Variants in GRM7 observed in about 807,000 individuals in gnomAD.
GRM7 encodes metabotropic glutamate receptor 7.
In GRM7, 35 loss-of-function variants were observed where a neutral mutation model predicts 84.5. The observed-to-expected ratio is 0.41, with a 90% CI of 0.32 to 0.55. The LOEUF is 0.55. Ranked by LOEUF, GRM7 falls within the 20% of genes least tolerant of loss-of-function variation. The probability of loss-of-function intolerance (pLI) is 0.19; values close to 1 mark genes in which losing one functional copy is unlikely to be tolerated. For missense variants in GRM7, 1,003 were observed against 1,194.6 expected (o/e 0.84, Z 2.36); for synonymous variants, 487 against 455.1 (o/e 1.07, Z -0.89).
In GRM7 at chr3:7,015,904, G is replaced by GAA. The variant is rs373120015; in HGVS notation, c.520-130546_520-130545dup. 1.1e-3 allele frequency among the ~76,000 whole-genome samples: 166 copies of GAA among 152,288 alleles called. 2 individuals carry two copies. The highest frequency in any genetic ancestry group is 3.7e-3 in the African/African-American group (155 of 41,558). ...TACTCCTACCTTACTGTGTTCATTA[G>GAA]AAATGAGTCACTAATTCCAGCCCAC... On this transcript the variant is annotated intron_variant, in intron 1 of 9. Coordinates refer to ENST00000357716, the MANE Select transcript of GRM7 (RefSeq NM_000844.4).
chr3:7,091,091 C>A (rs992912982), intron 1 of GRM7, among the ~76,000 whole-genome samples: 3 of 151,616 alleles, frequency 2.0e-5, no homozygotes, highest in East Asian at 1.9e-4. Flanking sequence ...AAAATTATTT[C>A]AAATTTGCAT....
intron 1 of GRM7, among the ~76,000 whole-genome samples, chr3:6,877,538 A>G (rs1490222768): frequency 6.6e-6 from 1 of 152,150 alleles, no homozygotes; most frequent in Non-Finnish European, 1.5e-5. Context: ...CATCTCGCTT[A>G]TGGATAAGCT....
At chr3:7,568,034 A>G (rs1221973274) in intron 7 of GRM7, among the ~76,000 whole-genome samples, 1 of 152,068 alleles carries the variant, frequency 6.6e-6, no homozygotes, top group Non-Finnish European at 1.5e-5. Flanking sequence ...ACATCTCATG[A>G]CCCTGACTTA....
At chr3:7,574,483 T>G (rs1286476541) in intron 7 of GRM7, among the ~76,000 whole-genome samples, 1 of 152,142 alleles carries the variant, frequency 6.6e-6, no homozygotes, top group Non-Finnish European at 1.5e-5. Context: ...TGTTGAAAAA[T>G]GGCTACTATA....
intron 1 of GRM7, among the ~76,000 whole-genome samples, chr3:6,891,182 A>G (rs1051659627): frequency 6.6e-6 from 1 of 152,188 alleles, no homozygotes; most frequent in African/African-American, 2.4e-5. Flanking sequence ...TTGACTCTTT[A>G]TCCAATTTGC....
rs185734437 is a variant in GRM7 at position 7,099,321 on chromosome 3, A to C, written c.520-47131A>C. 9.9e-3 allele frequency among the ~76,000 whole-genome samples: 1,456 copies of C among 146,446 alleles called. 25 individuals carry two copies. Among genetic ancestry groups the C allele is most frequent in the African/African-American group, 0.035 (1,361 of 38,846 alleles). ...ATATGTACACATGTATTATACATGT[A>C]TATATGTACACATGTATTATACATG... On this transcript the variant is annotated intron_variant, in intron 1 of 9. Coordinates refer to ENST00000357716, the MANE Select transcript of GRM7 (RefSeq NM_000844.4).
At chr3:7,321,022 TATCCTAGTGCTTTTTTCC>T (rs918587406) in intron 4 of GRM7, among the ~76,000 whole-genome samples, 47 of 152,108 alleles carry the variant, frequency 3.1e-4, no homozygotes, top group African/African-American at 1.1e-3. Flanking sequence ...TTTGACAAAG[TATCCTAGTGCTTTTTTCC>T]ATCTTCTTTA....
intron 1 of GRM7, among the ~76,000 whole-genome samples, chr3:7,007,247 C>G (rs1394553531): frequency 6.6e-6 from 1 of 152,040 alleles, no homozygotes; most frequent in East Asian, 1.9e-4. Flanking sequence ...CCCTCTTTCT[C>G]CATCAATCAA....
At chr3:7,120,766 A>C (rs1308639072) in intron 1 of GRM7, among the ~76,000 whole-genome samples, 1 of 152,152 alleles carries the variant, frequency 6.6e-6, no homozygotes, top group Admixed American at 6.6e-5. Context: ...AAAATCTCAT[A>C]ACTTTCTGCC....
chr3:7,267,175 T>G (rs942273274), intron 2 of GRM7, among the ~76,000 whole-genome samples: 1 of 152,244 alleles, frequency 6.6e-6, no homozygotes, highest in Admixed American at 6.5e-5. Flanking sequence ...CGAAGTTCAC[T>G]GATTGATACT....
chr3:7,165,122 A>T (rs780493657), intron 2 of GRM7, among the ~76,000 whole-genome samples: 2 of 152,172 alleles, frequency 1.3e-5, no homozygotes, highest in Admixed American at 6.5e-5. Context: ...CTCATTTGAG[A>T]TATTGTGGGA....
Position 7,418,471 on chromosome 3 carries a change from C to A in GRM7, c.1174+3308C>A, listed in dbSNP as rs543492403. Among the ~76,000 whole-genome samples the A allele has an allele frequency of 5.9e-5, 9 of 152,252 alleles. No individual in the cohort carries two copies. In the South Asian group the frequency reaches 1.7e-3, roughly 28 times the overall value. The stretch of plus-strand genomic sequence containing the variant: ...GCTATGTTTTCTCATGGAGACAATG[C>A]TAGATATACACATAGTCATCTCTTC... On this transcript the variant is annotated intron_variant, in intron 5 of 9. Transcript: ENST00000357716.
rs1244327860 is a variant in GRM7 at position 7,371,982 on chromosome 3, A to G, written c.1034-43041A>G. Among the ~76,000 whole-genome samples the G allele has an allele frequency of 2.6e-5, 4 of 152,214 alleles. No homozygotes were observed. The South Asian group carries it at 8.3e-4, about 32-fold the overall frequency. ...CAGTAAAAGATGCTCAAAGGGAGAG[A>G]GATGGATTAAGTTTGCTGGAGGAGG... is the stretch of plus-strand genomic sequence containing the variant. On this transcript the variant is annotated intron_variant, in intron 4 of 9. Transcript: ENST00000357716.
At chr3:6,998,483 A>T (rs142752399) in intron 1 of GRM7, among the ~76,000 whole-genome samples, 71 of 152,278 alleles carry the variant, frequency 4.7e-4, no homozygotes, top group African/African-American at 1.4e-3. Flanking sequence ...GGTCTGGAAA[A>T]TGGTGATCCT....
At chr3:7,602,544 C>T (rs1205973409) in intron 8 of GRM7, among the ~76,000 whole-genome samples, 2 of 152,188 alleles carry the variant, frequency 1.3e-5, no homozygotes, top group African/African-American at 2.4e-5. Flanking sequence ...CAATCCACAT[C>T]TCTTCCGTGC....
chr3:7,558,248 G>A (rs1355646128), intron 7 of GRM7, among the ~76,000 whole-genome samples: 1 of 152,044 alleles, frequency 6.6e-6, no homozygotes, highest in Non-Finnish European at 1.5e-5. Flanking sequence ...CTTACCTTAT[G>A]TAGTTTTTAA....
Position 6,862,888 on chromosome 3 carries a change from G to A in GRM7, c.519+981G>A, listed in dbSNP as rs1694809681. Reference sequence around the variant, plus strand: ...CCTGCTCCGGTGCCGGAGGGAGACGGAGAAAAAATGGGAGGAAGGCGGATC... The same window carrying A: ...CCTGCTCCGGTGCCGGAGGGAGACGAAGAAAAAATGGGAGGAAGGCGGATC... On this transcript the variant is annotated intron_variant, in intron 1 of 9. Transcript: ENST00000357716. The surrounding 1 kb of genome is among the most constrained non-coding windows in gnomAD (Gnocchi z 5.2). 2 of 414,634 alleles carry A rather than the reference G, an allele frequency of 4.8e-6. No individual in the cohort carries two copies. The highest frequency in any genetic ancestry group is 9.7e-6 in the Non-Finnish European group (2 of 205,662). The allele number at this position is 414,634 out of a possible 1,614,324, so 25.7% of individuals were successfully genotyped here.
chr3:6,965,430 G>A (rs116267215), intron 1 of GRM7, among the ~76,000 whole-genome samples: 9,070 of 152,028 alleles, frequency 0.06, 527 homozygotes, highest in African/African-American at 0.14. Context: ...CAATCCTCCC[G>A]TCTTAGCCTC....
chr3:7,709,421 A>G (rs1445184635), intron 9 of GRM7, among the ~76,000 whole-genome samples: 1 of 152,212 alleles, frequency 6.6e-6, no homozygotes, highest in East Asian at 1.9e-4. Flanking sequence ...TTACTGGGGC[A>G]GGACTAATGC....
Sources: allele counts gnomAD v4.1 joint callset (sites outside exome capture counted in the v4.1 genomes callset), GRCh38; gene constraint gnomAD v4.1.1; non-coding constraint Gnocchi (gnomAD v3.1); transcripts MANE v1.5; gene names NCBI Gene and HGNC (gene_info 2026-07-23, HGNC 2026-07-21).